PADI4: variants seen among roughly 807,000 people sequenced by gnomAD.
PADI4 encodes protein-arginine deiminase type-4.
Under a neutral mutation model 75.0 loss-of-function variants are expected in PADI4, and 62 were observed. The ratio of observed to expected loss-of-function variants is 0.83; its 90% CI spans 0.67 to 1.02. The LOEUF (loss-of-function observed/expected upper bound fraction) is 1.02. Ranked by LOEUF, PADI4 falls within the 50% of genes least tolerant of loss-of-function variation. PADI4 has a pLI of 0.00. For missense variants in PADI4, 845 were observed against 850.5 expected, an observed-to-expected ratio of 0.99 and a Z score of 0.08; for synonymous variants, 361 against 348.1, an observed-to-expected ratio of 1.04 and a Z score of -0.41.
At chr1:17,335,308 C>T (rs969245768) in intron 3 of PADI4, among the ~76,000 whole-genome samples, 1 of 152,158 alleles carries the variant, frequency 6.6e-6, no homozygotes, top group Non-Finnish European at 1.5e-5. Flanking sequence ...TTAATCCTTA[C>T]AACAATCCAG....
In PADI4 at chr1:17,348,041, G is replaced by C; in HGVS notation, c.1148G>C (p.Arg383Pro). Residue 383 changes from arginine (R) to proline (P), a missense_variant, in exon 10 of 16, where the codon CGC becomes CCC. Coordinates refer to ENST00000375448, the MANE Select transcript of PADI4 (RefSeq NM_012387.3). ...NRGLKEFPIK[R>P]VMGPDFGYVT... ...GGCCTGAAGGAGTTTCCCATCAAAC[G>C]CGTGATGGTACCTGCATGGGGTGGG... The C allele has an allele frequency of 1.9e-6, 3 of 1,598,394 alleles. No individual in the cohort carries two copies. Among genetic ancestry groups the C allele is most frequent in the Non-Finnish European group, 2.6e-6 (3 of 1,165,894 alleles).
chr1:17,322,672 G>C (rs1430065426), intron 1 of PADI4, among the ~76,000 whole-genome samples: 1 of 152,054 alleles, frequency 6.6e-6, no homozygotes, highest in Non-Finnish European at 1.5e-5. Context: ...AGGTTTGAGG[G>C]ACCCAGTTCC....
intron 1 of PADI4, among the ~76,000 whole-genome samples, chr1:17,317,776 T>C (rs375023602): frequency 1.3e-5 from 2 of 152,072 alleles, no homozygotes; most frequent in African/African-American, 4.8e-5. Flanking sequence ...ATCCCAGCAC[T>C]TTGGGAGGCC....
chr1:17,348,128 C>T (rs1459046124), intron 10 of PADI4, 80 bp downstream of exon 10: 2 of 868,916 alleles, frequency 2.3e-6, no homozygotes, highest in African/African-American at 1.7e-5. Context: ...CCTGCCTTCC[C>T]CGCCCGCGCC....
chr1:17,354,555 C>T lies in PADI4; in HGVS notation c.1178C>T (p.Thr393Ile), dbSNP rs1368174133. ...CAGGGTCCAGATTTTGGCTATGTAA[C>T]TCGAGGGCCCCAAACAGGGGGTATC... ...RVMGPDFGYV[T>I]RGPQTGGISG... The change falls in exon 11 of 16, where the codon ACT becomes ATT. Residue 393 changes from threonine (T) to isoleucine (I), a missense_variant. Physicochemically the swap from Thr to Ile is moderately conservative, Grantham distance 89. Coordinates refer to ENST00000375448, the MANE Select transcript of PADI4 (RefSeq NM_012387.3). The T allele has an allele frequency of 6.2e-7, 1 of 1,614,142 alleles. No homozygotes were observed. Among genetic ancestry groups the T allele is most frequent in the Non-Finnish European group, 8.5e-7 (1 of 1,180,002 alleles).
chr1:17,350,724 A>G (rs1405062965), intron 10 of PADI4, among the ~76,000 whole-genome samples: 1 of 130,636 alleles, frequency 7.7e-6, no homozygotes, highest in Non-Finnish European at 1.7e-5. Flanking sequence ...CATTCATCAA[A>G]CACTGTTTGA....
chr1:17,326,701 C>T (rs572514629), intron 1 of PADI4, among the ~76,000 whole-genome samples: 1 of 152,184 alleles, frequency 6.6e-6, no homozygotes, highest in Admixed American at 6.5e-5. Context: ...TGTATATTTG[C>T]TACTTGTGGG....
In PADI4 at chr1:17,356,997, G is replaced by A. The variant is rs1039620456; in HGVS notation, c.1558+538G>A. Among the ~76,000 whole-genome samples, 2 of 152,134 alleles carry A rather than the reference G, an allele frequency of 1.3e-5. No homozygotes were observed. The highest frequency in any genetic ancestry group is 4.8e-5 in the African/African-American group (2 of 41,422). On this transcript the variant is annotated intron_variant, in intron 13 of 15. Transcript: ENST00000375448. The surrounding 1 kb of genome is among the most constrained non-coding windows in gnomAD (Gnocchi z 4.1). ...CTCTGTGGCTGAGAGCTCCACCTCA[G>A]ATCTGAGTATGTTGTGTGGCATCAG...
At position 17,356,363 on chromosome 1, in the gene PADI4, C is replaced by T. The variant is rs751855723; in HGVS notation, c.1462C>T (p.Arg488Trp). The change falls in exon 13 of 16, where the codon CGG (arginine) becomes TGG (tryptophan). Residue 488 changes from arginine to tryptophan, a missense_variant. Transcript: ENST00000375448. This position sits in a 1 kb window ranked among gnomAD's most constrained non-coding sequence, Gnocchi z 4.1. ...CCAGTGTTTCTGCCTCCAGGGCTTC[C>T]GGCTGCTCCTGGCCAGCCCCAGGTC... ...FVPAPDRKGF[R>W]LLLASPRSCY... 16 of 1,601,790 alleles carry T rather than the reference C, an allele frequency of 1.0e-5. No homozygotes were observed. The highest frequency in any genetic ancestry group is 1.7e-4 in the Middle Eastern group (1 of 6,008).
chr1:17,342,454 T>G, intron 8 of PADI4, 52 bp downstream of exon 8: 1 of 1,073,954 alleles, frequency 9.3e-7, no homozygotes, highest in Non-Finnish European at 1.4e-6. Flanking sequence ...GAGCCTGAGT[T>G]CCATCCGCAG....
At position 17,308,309 on chromosome 1, in the gene PADI4, C is replaced by A; in HGVS notation, c.87C>A (p.Ile29=). 1 of 1,613,558 alleles carries A rather than the reference C, an allele frequency of 6.2e-7. No homozygotes were observed. Among genetic ancestry groups the A allele is most frequent in the Non-Finnish European group, 8.5e-7 (1 of 1,179,548 alleles). ...TGGGCACCTTGACTCAGCTTGACAT[C>A]TGCAGGTAAGAGGGGGGCCTTCTGG... The part of the protein sequence containing the change: ...CVLGTLTQLD[I]CSSAPEDCTS... Residue 29 remains isoleucine, a synonymous_variant, in exon 1 of 16, where the codon ATC becomes ATA. Coordinates refer to ENST00000375448, the MANE Select transcript of PADI4 (RefSeq NM_012387.3).
intron 10 of PADI4, among the ~76,000 whole-genome samples, chr1:17,352,890 A>G (rs2100234223): frequency 6.6e-6 from 1 of 152,316 alleles, no homozygotes; most frequent in Admixed American, 6.5e-5. Flanking sequence ...ACGGAATTCC[A>G]TGAGACTTGG....
intron 1 of PADI4, among the ~76,000 whole-genome samples, chr1:17,311,084 G>A (rs2100643611): frequency 6.7e-6 from 1 of 149,358 alleles, no homozygotes. Context: ...GCAACACAGT[G>A]AGTCTCCGTC....
chr1:17,338,684 G>A (rs181901076), intron 5 of PADI4, among the ~76,000 whole-genome samples: 16 of 152,310 alleles, frequency 1.1e-4, no homozygotes, highest in Middle Eastern at 3.4e-3. Flanking sequence ...AACCCCGGAC[G>A]TCCCAACACC....
chr1:17,337,227 C>A (rs2074329634), intron 4 of PADI4, among the ~76,000 whole-genome samples: 3 of 152,152 alleles, frequency 2.0e-5, no homozygotes, highest in African/African-American at 2.4e-5. Context: ...TTCACCGCAA[C>A]CTCCGCCTCC....
intron 1 of PADI4, among the ~76,000 whole-genome samples, chr1:17,311,033 G>A (rs2073814889): frequency 2.0e-5 from 3 of 151,558 alleles, no homozygotes; most frequent in South Asian, 2.1e-4. Context: ...GGAGGCGGAC[G>A]CTGCAGTGAA....
rs770437598 is a variant in PADI4, at chr1:17,331,081, C to G, written c.205C>G (p.Pro69Ala). The G allele has an allele frequency of 6.2e-7, 1 of 1,612,284 alleles. No individual in the cohort carries two copies. The highest frequency in any genetic ancestry group is 1.1e-5 in the South Asian group (1 of 90,776). The part of the protein sequence containing the change: ...KKKSTGSSTW[P>A]LDPGVEVTLT... Reference sequence around the variant, plus strand: ...GAAATCCACAGGTTCCTCCACATGGCCCCTGGACCCTGGGGTAGAGGTGAC... The same window carrying G: ...GAAATCCACAGGTTCCTCCACATGGGCCCTGGACCCTGGGGTAGAGGTGAC... Residue 69 changes from proline (P) to alanine (A), a missense_variant, in exon 2 of 16, where the codon CCC (proline) becomes GCC (alanine). Coordinates refer to ENST00000375448, the MANE Select transcript of PADI4 (RefSeq NM_012387.3).
intron 1 of PADI4, among the ~76,000 whole-genome samples, chr1:17,314,151 C>A (rs1052454789): frequency 1.4e-4 from 22 of 152,318 alleles, no homozygotes; most frequent in African/African-American, 5.1e-4. Context: ...GCGGACCTAG[C>A]CCCTCGGTCC....
intron 1 of PADI4, among the ~76,000 whole-genome samples, chr1:17,313,524 A>C (rs1356948104): frequency 6.9e-6 from 1 of 145,082 alleles, no homozygotes; most frequent in Non-Finnish European, 1.5e-5. Flanking sequence ...AAAAAAAAGG[A>C]AAGGAAGGAA....
Sources: allele counts gnomAD v4.1 joint callset (sites outside exome capture counted in the v4.1 genomes callset), GRCh38; gene constraint gnomAD v4.1.1; non-coding constraint Gnocchi (gnomAD v3.1); transcripts MANE v1.5; gene names NCBI Gene and HGNC (gene_info 2026-07-23, HGNC 2026-07-21).